MYH7: variants seen among roughly 807,000 people sequenced by gnomAD.
MYH7 encodes the protein myosin heavy chain 7, also known as myosin-7.
A neutral mutation model predicts 225.4 loss-of-function variants in MYH7; 129 were observed. The ratio of observed to expected loss-of-function variants is 0.57; its 90% CI spans 0.50 to 0.66. MYH7 has a LOEUF of 0.66. Among genes scored for constraint, MYH7 ranks in the 30% least tolerant of loss-of-function variants. The probability of loss-of-function intolerance (pLI) is 0.00; values close to 1 mark genes in which losing one functional copy is unlikely to be tolerated. For synonymous variants in MYH7, 971 were observed against 1,007.6 expected (o/e 0.96, Z 0.69); for missense variants, 1,649 against 2,517.0 (o/e 0.66, Z 7.38).
rs753359198 is a variant in MYH7, at chr14:23,415,554, A to G, written c.5158-48T>C. 5.0e-6 allele frequency: 8 copies of G among 1,613,900 alleles called. No individual in the cohort carries two copies. The highest frequency in any genetic ancestry group is 1.3e-5 in the African/African-American group (1 of 74,888). On this transcript the variant is annotated intron_variant, in intron 35 of 39. Coordinates refer to ENST00000355349, the MANE Select transcript of MYH7 (RefSeq NM_000257.4). The surrounding 1 kb of genome is among the most constrained non-coding windows in gnomAD (Gnocchi z 6.3). ...AGAGCAGGAAAAGCATTGAGCATCT[A>G]TGCATAGCTCTCAAGCCTTGCTTGC...
At chr14:23,427,420 C>G in intron 16 of MYH7, 113 bp from the exon 17 acceptor site, 1 of 1,481,706 alleles carries the variant, frequency 6.7e-7, no homozygotes, top group Non-Finnish European at 9.3e-7. Context: ...GGGTGAGGGC[C>G]TTCAATGTGG....
At chr14:23,418,912 G>A (rs550564161) in intron 29 of MYH7, among the ~76,000 whole-genome samples, 3 of 152,268 alleles carry the variant, frequency 2.0e-5, no homozygotes, top group Admixed American at 6.5e-5. Flanking sequence ...AGCCGTGCCC[G>A]GGCAAGGCCA....
chr14:23,429,246 C>A lies in MYH7; in HGVS notation c.1240G>T (p.Gly414Trp). The A allele has an allele frequency of 6.2e-7, 1 of 1,614,228 alleles. No individual in the cohort carries two copies. Among genetic ancestry groups the A allele is most frequent in the Non-Finnish European group, 8.5e-7 (1 of 1,180,042 alleles). The stretch of plus-strand genomic sequence containing the variant: ...GGACCCACCTGCTGGACATTCTGCC[C>A]CTTGGTGACGTACTCATTGCCCACT... ...VKVGNEYVTKGQNVQQVIYAT... is the reference protein window; with the variant it reads ...VKVGNEYVTKWQNVQQVIYAT... The change falls in exon 13 of 40, where the codon GGG becomes TGG. Residue 414 changes from glycine to tryptophan, a missense_variant. Physicochemically the swap from Gly to Trp is radical, Grantham distance 184. Coordinates refer to ENST00000355349, the MANE Select transcript of MYH7 (RefSeq NM_000257.4).
At chr14:23,424,635 T>C in intron 22 of MYH7, 134 bp downstream of exon 22, 1 of 1,446,548 alleles carries the variant, frequency 6.9e-7, no homozygotes. Flanking sequence ...TCTTTGGAGG[T>C]CTTTAGAAGT....
chr14:23,415,163 C>T lies in MYH7; in HGVS notation c.5391G>A (p.Leu1797=), dbSNP rs1566522551. The change falls in exon 37 of 40, where the codon CTG becomes CTA. Residue 1797 remains leucine, a synonymous_variant. Transcript: ENST00000355349. This position sits in a 1 kb window ranked among gnomAD's most constrained non-coding sequence, Gnocchi z 6.3. The part of the protein sequence containing the change: ...EQTIKDLQHR[L]DEAEQIALKG... ...TGAGGGCGATCTGCTCGGCTTCGTC[C>T]AGCCGGTGCTGCAGGTCCTTAATGG... The T allele has an allele frequency of 6.2e-7, 1 of 1,614,234 alleles. No homozygotes were observed.
Position 23,415,516 on chromosome 14 carries a change from G to A in MYH7, c.5158-10C>T, listed in dbSNP as rs1011777797. 3 of 1,614,062 alleles carry A rather than the reference G, an allele frequency of 1.9e-6. No homozygotes were observed. Among genetic ancestry groups the A allele is most frequent in the African/African-American group, 1.3e-5 (1 of 74,934 alleles). ...TGATGAGGCTGGTGTTCTGGGTTGG[G>A]GGAGGGTTGGGCAGAGCAGGAAAAG... is the stretch of plus-strand genomic sequence containing the variant. On this transcript the variant is annotated splice_polypyrimidine_tract_variant and intron_variant, in intron 35 of 39. Transcript: ENST00000355349. The surrounding 1 kb of genome is among the most constrained non-coding windows in gnomAD (Gnocchi z 6.3).
At chr14:23,417,362 C>A in intron 31 of MYH7, 44 bp from the exon 32 acceptor site, 2 of 1,612,378 alleles carry the variant, frequency 1.2e-6, no homozygotes, top group Non-Finnish European at 1.7e-6. Flanking sequence ...CAGCCTCAGC[C>A]CCATGTCCAG....
rs774077429 is a variant in MYH7 at position 23,425,274 on chromosome 14, T to C, written c.2423+8A>G. The C allele has an allele frequency of 6.2e-7, 1 of 1,614,132 alleles. No individual in the cohort carries two copies. On this transcript the variant is annotated splice_region_variant and intron_variant, in intron 21 of 39. Coordinates refer to ENST00000355349, the MANE Select transcript of MYH7 (RefSeq NM_000257.4). The surrounding 1 kb of genome is among the most constrained non-coding windows in gnomAD (Gnocchi z 4.6). The stretch of plus-strand genomic sequence containing the variant: ...AGAAGCGGGAAACCTCCTCTTGAGA[T>C]CTCTCACCTACGTTCCAGCAGCTTT...
chr14:23,429,785 G>T lies in MYH7; in HGVS notation c.1128C>A (p.Asp376Glu), dbSNP rs2231126. ...ATCCCTGCCTCCCACCTTCAGTGCC[G>T]TCTGGCTCCGCCTGCTCCTCCCGCT... ...LKQREEQAEPDGTEEADKSAY... is the reference protein window; with the variant it reads ...LKQREEQAEPEGTEEADKSAY... Residue 376 changes from aspartate to glutamate, a missense_variant, in exon 12 of 40, where the codon GAC becomes GAA. Physicochemically the swap from Asp to Glu is conservative, Grantham distance 45. Around this residue, in one of 12 missense-constraint regions of MYH7, gnomAD observed 131 missense variants for 231.3 expected, o/e 0.57. Transcript: ENST00000355349. 113 of 1,612,264 alleles carry T rather than the reference G, an allele frequency of 7.0e-5. 1 individual carries two copies. In the Admixed American group the frequency reaches 1.8e-3, roughly 26 times the overall value.
chr14:23,425,301 T>G lies in MYH7; in HGVS notation c.2404A>C (p.Lys802Gln). 1 of 1,614,204 alleles carries G rather than the reference T, an allele frequency of 6.2e-7. No individual in the cohort carries two copies. Among genetic ancestry groups the G allele is most frequent in the Non-Finnish European group, 8.5e-7 (1 of 1,180,036 alleles). The change falls in exon 21 of 40, where the codon AAA becomes CAA. Residue 802 changes from lysine to glutamine, a missense_variant. Around this residue, in one of 12 missense-constraint regions of MYH7, gnomAD observed 36 missense variants for 43.2 expected, o/e 0.83. Transcript: ENST00000355349. This position sits in a 1 kb window ranked among gnomAD's most constrained non-coding sequence, Gnocchi z 4.6. ...SRGVLARMEY[K>Q]KLLERRDSLL... ...TCTCACCTACGTTCCAGCAGCTTTT[T>G]GTACTCCATTCTGGCGAGCACACCT...
chr14:23,428,421 G>A (rs1892783011), intron 15 of MYH7, 79 bp downstream of exon 15: 1 of 1,599,604 alleles, frequency 6.3e-7, no homozygotes. Flanking sequence ...TCCCCAGAAG[G>A]GAGAGGGGCT....
intron 18 of MYH7, 47 bp downstream of exon 18, chr14:23,426,730 G>C (rs752750362): frequency 6.5e-7 from 1 of 1,546,000 alleles, no homozygotes; most frequent in South Asian, 1.1e-5. Flanking sequence ...CCTGTTCCCA[G>C]GGCGGTGTAT....
intron 12 of MYH7, 77 bp from the exon 13 acceptor site, chr14:23,429,424 C>T: frequency 6.9e-7 from 1 of 1,440,328 alleles, no homozygotes; most frequent in Non-Finnish European, 9.7e-7. Context: ...GCCTGTAATC[C>T]CAGCACTTTG....
At position 23,416,916 on chromosome 14, in the gene MYH7, C is replaced by T. The variant is rs780166202; in HGVS notation, c.4596G>A (p.Gln1532=). 3 of 1,614,272 alleles carry T rather than the reference C, an allele frequency of 1.9e-6. No homozygotes were observed. In the South Asian group the frequency reaches 3.3e-5, roughly 18 times the overall value. ...GCAGCTCCATCTTCTCGGCCTCCAGCTGCTTTCGGACCTTCTCCAGCTCAT... is the reference window on the plus strand; with the variant it reads ...GCAGCTCCATCTTCTCGGCCTCCAGTTGCTTTCGGACCTTCTCCAGCTCAT... ...TIHELEKVRK[Q]LEAEKMELQS... The change falls in exon 33 of 40, where the codon CAG becomes CAA. Residue 1532 remains glutamine (Q), a synonymous_variant. Transcript: ENST00000355349.
At position 23,425,046 on chromosome 14, in the gene MYH7, A is replaced by T; in HGVS notation, c.2424-22T>A. The T allele has an allele frequency of 6.2e-7, 1 of 1,614,092 alleles. No homozygotes were observed. Among genetic ancestry groups the T allele is most frequent in the Non-Finnish European group, 8.5e-7 (1 of 1,180,004 alleles). On this transcript the variant is annotated intron_variant, in intron 21 of 39. Coordinates refer to ENST00000355349, the MANE Select transcript of MYH7 (RefSeq NM_000257.4). This position sits in a 1 kb window ranked among gnomAD's most constrained non-coding sequence, Gnocchi z 4.6. ...GTCTCTGCAGGGGCCCATTGAAAGGAGTGCTGAGCCTCCTGCCTCCTTCCT... is the reference window on the plus strand; with the variant it reads ...GTCTCTGCAGGGGCCCATTGAAAGGTGTGCTGAGCCTCCTGCCTCCTTCCT...
In MYH7 at chr14:23,413,893, C is replaced by T; in HGVS notation, c.5656G>A (p.Glu1886Lys). The stretch of plus-strand genomic sequence containing the variant: ...GACAGGTTGGTGTTGGCTTGCTCCT[C>T]CTGCGGGAGGTGGGAGCATGAGGTG... The part of the protein sequence containing the change: ...KAYKRQAEEA[E>K]EQANTNLSKF... Residue 1886 changes from glutamate (E) to lysine (K), a missense_variant and splice_region_variant, in exon 39 of 40, where the codon GAG becomes AAG. This residue lies in a region of MYH7 where 687 missense variants were observed against 913.8 expected (regional missense o/e 0.75). Transcript: ENST00000355349. The T allele has an allele frequency of 6.2e-7, 1 of 1,614,258 alleles. No homozygotes were observed.
At chr14:23,428,377 G>T in intron 15 of MYH7, 123 bp downstream of exon 15, 2 of 1,494,114 alleles carry the variant, frequency 1.3e-6, no homozygotes, top group Non-Finnish European at 1.8e-6. Context: ...TGGAACCAAG[G>T]GCTCGGATCC....
At chr14:23,428,867 C>T in intron 14 of MYH7, 88 bp downstream of exon 14, 1 of 1,603,642 alleles carries the variant, frequency 6.2e-7, no homozygotes, top group East Asian at 2.2e-5. Context: ...CTTCCCATGT[C>T]TGGTCCACAG....
At chr14:23,416,371 G>A (rs926251807) in intron 33 of MYH7, 59 bp from the exon 34 acceptor site, 7 of 1,548,026 alleles carry the variant, frequency 4.5e-6, no homozygotes, top group Non-Finnish European at 6.2e-6. Context: ...GGCAGGGTGG[G>A]GGCCTGCTCA....
Sources: allele counts gnomAD v4.1 joint callset (sites outside exome capture counted in the v4.1 genomes callset), GRCh38; gene constraint gnomAD v4.1.1; regional missense constraint gnomAD v4.1.1; non-coding constraint Gnocchi (gnomAD v3.1); transcripts MANE v1.5; gene names NCBI Gene and HGNC (gene_info 2026-07-23, HGNC 2026-07-21).